The following NUF2 variants were observed in gnomAD, a reference collection of about 807,000 sequenced individuals.
The protein encoded by NUF2 is NUF2 component of NDC80 kinetochore complex, also known as kinetochore protein Nuf2.
A neutral mutation model predicts 61.8 loss-of-function variants in NUF2; 34 were observed. The ratio of observed to expected loss-of-function variants is 0.55; its 90% CI spans 0.42 to 0.73. The LOEUF is 0.73. Among genes scored for constraint, NUF2 ranks in the 30% least tolerant of loss-of-function variants. The pLI, the probability that NUF2 is intolerant of heterozygous loss-of-function variation, is 0.00. For missense variants in NUF2, 445 were observed against 539.1 expected, an observed-to-expected ratio of 0.83 and a Z score of 1.73; for synonymous variants, 172 against 181.6, an observed-to-expected ratio of 0.95 and a Z score of 0.42.
At chr1:163,327,623 G>A in intron 3 of NUF2, 61 bp downstream of exon 3, 1 of 1,081,026 alleles carries the variant, frequency 9.3e-7, no homozygotes, top group African/African-American at 1.5e-5. Flanking sequence ...GTTTTGTTTT[G>A]CTGCAGTTCT....
At chr1:163,336,952 T>TA in intron 6 of NUF2, 104 bp downstream of exon 6, 1 of 718,158 alleles carries the variant, frequency 1.4e-6, no homozygotes, top group Non-Finnish European at 2.4e-6. Flanking sequence ...AATTGCTGTA[T>TA]TGCCTTTAGA....
chr1:163,338,171 A>C, intron 7 of NUF2, 78 bp downstream of exon 7: 1 of 1,027,808 alleles, frequency 9.7e-7, no homozygotes, highest in Non-Finnish European at 1.5e-6. Flanking sequence ...TTACAACCCT[A>C]TATTCCACCT....
intron 8 of NUF2, among the ~76,000 whole-genome samples, chr1:163,340,042 T>C (rs1650888405): frequency 6.6e-6 from 1 of 152,240 alleles, no homozygotes; most frequent in South Asian, 2.1e-4. Flanking sequence ...CAGTGCCCAA[T>C]AGGTACATAC....
chr1:163,324,577 A>G (rs1013175825), intron 1 of NUF2, among the ~76,000 whole-genome samples: 2 of 152,204 alleles, frequency 1.3e-5, no homozygotes, highest in Non-Finnish European at 2.9e-5. Context: ...TTTGTTTGCA[A>G]AATTGAATAT....
chr1:163,337,686 A>G (rs1193242781), intron 6 of NUF2, among the ~76,000 whole-genome samples: 2 of 152,068 alleles, frequency 1.3e-5, no homozygotes, highest in African/African-American at 4.8e-5. Context: ...GTTGGGTTAG[A>G]TGTCACTCTT....
chr1:163,352,458 C>G (rs1436494870), intron 13 of NUF2, among the ~76,000 whole-genome samples: 1 of 152,100 alleles, frequency 6.6e-6, no homozygotes, highest in Non-Finnish European at 1.5e-5. Context: ...ATTCATTCAC[C>G]CAGTCAGTAT....
At chr1:163,324,098 T>C (rs926430153) in intron 1 of NUF2, among the ~76,000 whole-genome samples, 1 of 152,206 alleles carries the variant, frequency 6.6e-6, no homozygotes, top group Non-Finnish European at 1.5e-5. Flanking sequence ...AATAAGATGG[T>C]AGTTTCTAAA....
chr1:163,333,226 A>G (rs551033011), intron 5 of NUF2, among the ~76,000 whole-genome samples: 24 of 151,810 alleles, frequency 1.6e-4, no homozygotes, highest in Non-Finnish European at 3.3e-4. Context: ...TTGATTTTAT[A>G]TTAACATAGC....
At chr1:163,344,376 A>G (rs533390800) in intron 10 of NUF2, among the ~76,000 whole-genome samples, 1 of 152,084 alleles carries the variant, frequency 6.6e-6, no homozygotes, top group Admixed American at 6.6e-5. Context: ...AAATAATGTA[A>G]TAAGGGGAGC....
chr1:163,332,222 C>T (rs373453997), intron 5 of NUF2, among the ~76,000 whole-genome samples: 29 of 151,864 alleles, frequency 1.9e-4, no homozygotes, highest in African/African-American at 6.8e-4. Flanking sequence ...CTTTTGATTT[C>T]TTTTTTCATG....
At chr1:163,322,563 C>T (rs1198048858) in intron 1 of NUF2, among the ~76,000 whole-genome samples, 1 of 152,196 alleles carries the variant, frequency 6.6e-6, no homozygotes, top group East Asian at 1.9e-4. Flanking sequence ...ATAACGCCAT[C>T]ATTGTTCCTT....
chr1:163,326,839 C>A (rs976416980), intron 2 of NUF2, among the ~76,000 whole-genome samples: 2 of 152,074 alleles, frequency 1.3e-5, no homozygotes, highest in Non-Finnish European at 2.9e-5. Flanking sequence ...TGTCTTCAAA[C>A]TGAGTAAATT....
At chr1:163,327,915 G>C in intron 3 of NUF2, 1 of 362,046 alleles carries the variant, frequency 2.8e-6, no homozygotes, top group Non-Finnish European at 4.9e-6. Flanking sequence ...TCCCAAATTA[G>C]AGTAGAAGAT....
intron 5 of NUF2, among the ~76,000 whole-genome samples, chr1:163,331,113 G>GTTTCTGAT (rs1487215139): frequency 6.8e-6 from 1 of 146,758 alleles, no homozygotes; most frequent in African/African-American, 2.5e-5. Flanking sequence ...TCATTACCTT[G>GTTTCTGAT]TTTCTGATCT....
intron 13 of NUF2, among the ~76,000 whole-genome samples, chr1:163,350,095 A>G (rs1217869229): frequency 6.6e-6 from 1 of 151,810 alleles, no homozygotes; most frequent in Non-Finnish European, 1.5e-5. Context: ...AGGTCAGGAG[A>G]TCGAGACCAT....
intron 1 of NUF2, 23 bp from the exon 2 acceptor site, chr1:163,326,009 C>T (rs893542649): frequency 1.3e-6 from 2 of 1,591,318 alleles, no homozygotes; most frequent in Middle Eastern, 1.8e-4. Context: ...TGTGGTATTT[C>T]TCATTGTTTT....
At chr1:163,354,853 A>G (rs188986514) in intron 13 of NUF2, among the ~76,000 whole-genome samples, 1 of 152,210 alleles carries the variant, frequency 6.6e-6, no homozygotes, top group African/African-American at 2.4e-5. Context: ...TAGCACATCC[A>G]TATAGGCTTG....
intron 9 of NUF2, 81 bp downstream of exon 9, chr1:163,340,507 G>A: frequency 2.2e-6 from 2 of 925,064 alleles, no homozygotes; most frequent in Non-Finnish European, 3.3e-6. Context: ...GTGTTATTAT[G>A]GGCAAATGTT....
intron 6 of NUF2, 93 bp from the exon 7 acceptor site, chr1:163,337,927 C>A: frequency 1.1e-6 from 1 of 920,570 alleles, no homozygotes; most frequent in Non-Finnish European, 1.8e-6. Flanking sequence ...TTTTTTATTT[C>A]TGATGGTTCA....
Sources: gnomAD v4.1 joint callset for allele counts (sites outside exome capture counted in the v4.1 genomes callset) on GRCh38, gnomAD v4.1.1 for gene constraint, MANE v1.5 for transcripts, NCBI Gene and HGNC (gene_info 2026-07-23, HGNC 2026-07-21) for gene names.